The following ECH1 variants were observed in gnomAD, a reference collection of about 807,000 sequenced individuals.
ECH1 encodes the protein delta(3,5)-Delta(2,4)-dienoyl-CoA isomerase, mitochondrial.
In ECH1, 30 loss-of-function variants were observed where a neutral mutation model predicts 37.0. The observed-to-expected ratio is 0.81, with a 90% CI of 0.61 to 1.10. The LOEUF is 1.10. ECH1 is among the 50% of genes least tolerant of loss of function. ECH1 has a pLI of 0.00. For synonymous variants in ECH1, 178 were observed against 176.0 expected, an observed-to-expected ratio of 1.01 and a Z score of -0.09; for missense variants, 456 against 441.6, an observed-to-expected ratio of 1.03 and a Z score of -0.29.
In ECH1 at chr19:38,816,511, C is replaced by T; in HGVS notation, c.601G>A (p.Gly201Ser). The change falls in exon 7 of 10, where the codon GGT becomes AGT. Residue 201 changes from glycine (G) to serine (S), a missense_variant. Gly to Ser is a moderately conservative substitution (Grantham distance 56). Coordinates refer to ENST00000221418, the MANE Select transcript of ECH1 (RefSeq NM_001398.3). The stretch of plus-strand genomic sequence containing the variant: ...AGTGTTCCTACATCGGCAGCCAAAC[C>T]CACGTCCACCTCCTGGGGGAGGAAT... ...AFFQVKEVDV[G>S]LAADVGTLQR... 6.2e-7 allele frequency: 1 copy of T among 1,614,154 alleles called. No individual in the cohort carries two copies. The highest frequency in any genetic ancestry group is 8.5e-7 in the Non-Finnish European group (1 of 1,180,006).
At position 38,818,932 on chromosome 19, in the gene ECH1, T is replaced by TGTGCGCGCGCGCGCAC. The variant is rs144733422; in HGVS notation, c.350-1358_350-1357insGTGCGCGCGCGCGCAC. 9.4e-3 allele frequency among the ~76,000 whole-genome samples: 1,346 copies of TGTGCGCGCGCGCGCAC among 142,850 alleles called. 29 individuals carry two copies. The highest frequency in any genetic ancestry group is 0.043 in the South Asian group (189 of 4,380). The allele number at this position is 142,850 out of a possible 152,430, so 93.7% of individuals were successfully genotyped here. ...GTGTGTGTGTGTGTGTGTGTGTGTG[T>TGTGCGCGCGCGCGCAC]GCACTGTTCCCAACCTGTTACTTTG... On this transcript the variant is annotated intron_variant, in intron 3 of 9. Transcript: ENST00000221418.
At chr19:38,819,455 A>T (rs1219449946) in intron 3 of ECH1, among the ~76,000 whole-genome samples, 1 of 151,930 alleles carries the variant, frequency 6.6e-6, no homozygotes, top group African/African-American at 2.4e-5. Flanking sequence ...CTATCCTATA[A>T]TTAGGTCCTT....
chr19:38,816,689 C>T (rs1568356201), intron 6 of ECH1, among the ~76,000 whole-genome samples, 166 bp from the exon 7 acceptor site: 1 of 152,178 alleles, frequency 6.6e-6, no homozygotes, highest in Non-Finnish European at 1.5e-5. Flanking sequence ...TTGACTCAGG[C>T]AAGTTCCTTC....
In ECH1 at chr19:38,831,500, G is replaced by T. The variant is rs1423227761; in HGVS notation, c.69C>A (p.Asn23Lys). The change falls in exon 2 of 10, where the codon AAC becomes AAA. Residue 23 changes from asparagine to lysine, a missense_variant. Physicochemically the swap from Asn to Lys is moderately conservative, Grantham distance 94. Transcript: ENST00000221418. ...DLLTRRLTGS[N>K]YPGLSISLRL... The stretch of plus-strand genomic sequence containing the variant: ...GAAGGCTAATACTGAGTCCCGGGTA[G>T]TTGGAGCCTGTCAGTCCTGGGGAGA... 6.2e-7 allele frequency: 1 copy of T among 1,613,974 alleles called. No homozygotes were observed. The highest frequency in any genetic ancestry group is 2.2e-5 in the East Asian group (1 of 44,884).
chr19:38,828,723 C>T (rs1350255192), intron 3 of ECH1, among the ~76,000 whole-genome samples: 1 of 152,148 alleles, frequency 6.6e-6, no homozygotes, highest in African/African-American at 2.4e-5. Context: ...TCACGCCATT[C>T]TCCTGCCTCA....
At chr19:38,822,158 T>C (rs1365307500) in intron 3 of ECH1, among the ~76,000 whole-genome samples, 2 of 151,660 alleles carry the variant, frequency 1.3e-5, no homozygotes, top group Non-Finnish European at 2.9e-5. Flanking sequence ...CAATCAATGC[T>C]CTGTGTCTAG....
chr19:38,823,321 T>G (rs1971692222), intron 3 of ECH1: 1 of 162,050 alleles, frequency 6.2e-6, no homozygotes, highest in South Asian at 1.8e-4. Context: ...GTGACCCAGA[T>G]GGGACTATTA....
chr19:38,819,089 G>C (rs1341770906), intron 3 of ECH1: 20 of 984,768 alleles, frequency 2.0e-5, no homozygotes, highest in Non-Finnish European at 2.0e-5. Flanking sequence ...CTGGGCGACA[G>C]AGCAAGACCC....
rs759243173 is a variant in ECH1, at chr19:38,815,587, G to A, written c.*26C>T. The stretch of plus-strand genomic sequence containing the variant: ...TGAGGCGGGACAAGGCCGGCCCCCT[G>A]GCTGGGGCCTGGGACGCGAGGGCTC... On this transcript the variant is annotated 3_prime_UTR_variant, in exon 10 of 10. Coordinates refer to ENST00000221418, the MANE Select transcript of ECH1 (RefSeq NM_001398.3). The A allele has an allele frequency of 1.3e-5, 21 of 1,608,884 alleles. No homozygotes were observed. In the South Asian group the frequency reaches 2.3e-4, roughly 18 times the overall value.
chr19:38,817,452 C>A lies in ECH1; in HGVS notation c.473G>T (p.Arg158Met), dbSNP rs781756442. The change falls in exon 4 of 10, where the codon AGG (arginine) becomes ATG (methionine). Residue 158 changes from arginine to methionine, a missense_variant and splice_region_variant. Coordinates refer to ENST00000221418, the MANE Select transcript of ECH1 (RefSeq NM_001398.3). ...TCCCCTCCAGACCCCTAGAGTCACC[C>A]TCTCGATGACGTTGAAGGTCTCCTG... Reference protein sequence around the residue: ...RYQETFNVIERCPKPVIAAVH... With the variant: ...RYQETFNVIEMCPKPVIAAVH... 4 of 1,613,458 alleles carry A rather than the reference C, an allele frequency of 2.5e-6. No individual in the cohort carries two copies. The highest frequency in any genetic ancestry group is 1.1e-5 in the South Asian group (1 of 90,900).
Position 38,831,484 on chromosome 19 carries a change from T to G in ECH1, c.85A>C (p.Ile29Leu), listed in dbSNP as rs142768439. The G allele has an allele frequency of 6.2e-7, 1 of 1,613,998 alleles. No individual in the cohort carries two copies. Among genetic ancestry groups the G allele is most frequent in the Non-Finnish European group, 8.5e-7 (1 of 1,180,022 alleles). The change falls in exon 2 of 10, where the codon ATT becomes CTT. Residue 29 changes from isoleucine (I) to leucine (L), a missense_variant. Ile to Leu is a conservative substitution (Grantham distance 5). Coordinates refer to ENST00000221418, the MANE Select transcript of ECH1 (RefSeq NM_001398.3). ...LTGSNYPGLSISLRLTGSSAQ... is the reference protein window; with the variant it reads ...LTGSNYPGLSLSLRLTGSSAQ... The stretch of plus-strand genomic sequence containing the variant: ...GAGGAGCCAGTGAGGCGAAGGCTAA[T>G]ACTGAGTCCCGGGTAGTTGGAGCCT...
chr19:38,816,370 G>T lies in ECH1; in HGVS notation c.660-15C>A, dbSNP rs113716876. 3.1e-6 allele frequency: 5 copies of T among 1,613,834 alleles called. No individual in the cohort carries two copies. Among genetic ancestry groups the T allele is most frequent in the Non-Finnish European group, 3.4e-6 (4 of 1,180,004 alleles). ...CGTTGACCAGGCTGCAAAGGCAAGCGTGCATCAGGAGGCGGCTGCCACCCC... is the reference window on the plus strand; with the variant it reads ...CGTTGACCAGGCTGCAAAGGCAAGCTTGCATCAGGAGGCGGCTGCCACCCC... On this transcript the variant is annotated splice_polypyrimidine_tract_variant and intron_variant, in intron 7 of 9. Transcript: ENST00000221418.
In ECH1 at chr19:38,815,732, G is replaced by C; in HGVS notation, c.883-15C>G. ...TTCCAGGACGCCTGGTACCGAGGGT[G>C]TTGAGAGAGAACGAGGAGAGAGATT... On this transcript the variant is annotated splice_polypyrimidine_tract_variant and intron_variant, in intron 9 of 9. Coordinates refer to ENST00000221418, the MANE Select transcript of ECH1 (RefSeq NM_001398.3). 6.2e-7 allele frequency: 1 copy of C among 1,614,118 alleles called. No individual in the cohort carries two copies. Among genetic ancestry groups the C allele is most frequent in the South Asian group, 1.1e-5 (1 of 91,050 alleles).
At chr19:38,825,265 T>C (rs561528105) in intron 3 of ECH1, among the ~76,000 whole-genome samples, 1 of 152,308 alleles carries the variant, frequency 6.6e-6, no homozygotes, top group African/African-American at 2.4e-5. Context: ...ACTTAGATCA[T>C]GGGGACTGGA....
intron 3 of ECH1, chr19:38,819,312 G>T: frequency 2.6e-6 from 2 of 760,124 alleles, no homozygotes; most frequent in Non-Finnish European, 3.2e-6. Context: ...AACAGCCACA[G>T]ACTGACTCCT....
In ECH1 at chr19:38,815,443, T is replaced by G; in HGVS notation, c.*170A>C. ...CAGGTTCTTTACTTTGCTTTATTGT[T>G]TGTGGGGTGAAGATAAGGCCTTGGG... On this transcript the variant is annotated 3_prime_UTR_variant, in exon 10 of 10. Coordinates refer to ENST00000221418, the MANE Select transcript of ECH1 (RefSeq NM_001398.3). The G allele has an allele frequency of 1.6e-6, 1 of 639,526 alleles. No homozygotes were observed. 39.6% of individuals were successfully genotyped at this position (639,526 alleles called of 1,614,324 possible). A position where few individuals can be genotyped will look rare whatever the true frequency, so the allele number is the denominator to read the frequency against.
intron 3 of ECH1, 102 bp downstream of exon 3, chr19:38,830,976 G>C: frequency 1.1e-6 from 1 of 908,000 alleles, no homozygotes; most frequent in Non-Finnish European, 1.7e-6. Flanking sequence ...AAAAAAGTGT[G>C]TAAGTCAGAA....
chr19:38,824,944 T>C (rs963719923), intron 3 of ECH1, among the ~76,000 whole-genome samples: 1 of 152,164 alleles, frequency 6.6e-6, no homozygotes, highest in Non-Finnish European at 1.5e-5. Context: ...CCCGGGTACA[T>C]GTCCCCTTCT....
In ECH1 at chr19:38,822,706, G is replaced by A. The variant is rs542185349; in HGVS notation, c.350-5131C>T. ...TAGCTCAGGGATTGTAAACGCACCA[G>A]TCAGCACCCTGTCAAAATGGACCAA... On this transcript the variant is annotated intron_variant, in intron 3 of 9. Coordinates refer to ENST00000221418, the MANE Select transcript of ECH1 (RefSeq NM_001398.3). 1.6e-4 allele frequency among the ~76,000 whole-genome samples: 25 copies of A among 152,290 alleles called. No individual in the cohort carries two copies. In the East Asian group the frequency reaches 4.8e-3, roughly 29 times the overall value.
Sources: gnomAD v4.1 joint callset for allele counts (sites outside exome capture counted in the v4.1 genomes callset) on GRCh38, gnomAD v4.1.1 for gene constraint, MANE v1.5 for transcripts, NCBI Gene and HGNC (gene_info 2026-07-23, HGNC 2026-07-21) for gene names.